The following SDHAF3 variants were observed in gnomAD, a reference collection of about 807,000 sequenced individuals.
SDHAF3 encodes the protein succinate dehydrogenase complex assembly factor 3.
In SDHAF3, 18 loss-of-function variants were observed where a neutral mutation model predicts 11.5. The ratio of observed to expected loss-of-function variants is 1.56; its 90% CI spans 1.08 to 2.32. The LOEUF (loss-of-function observed/expected upper bound fraction) is 2.32. SDHAF3 is among the 30% of genes most tolerant of loss of function. The probability of loss-of-function intolerance (pLI) is 0.00; values close to 1 mark genes in which losing one functional copy is unlikely to be tolerated. For synonymous variants in SDHAF3, 72 were observed against 59.3 expected, an observed-to-expected ratio of 1.21 and a Z score of -0.99; for missense variants, 200 against 154.4, an observed-to-expected ratio of 1.30 and a Z score of -1.57.
At chr7:97,160,851 CTTTTTT>C (rs1419807012) in intron 1 of SDHAF3, among the ~76,000 whole-genome samples, 4 of 151,862 alleles carry the variant, frequency 2.6e-5, no homozygotes, top group Admixed American at 1.3e-4. Flanking sequence ...TTTTCTTTTT[CTTTTTT>C]AAGTAGGAAA....
intron 1 of SDHAF3, among the ~76,000 whole-genome samples, chr7:97,127,017 C>G (rs1028999793): frequency 2.0e-5 from 3 of 152,158 alleles, no homozygotes; most frequent in African/African-American, 7.2e-5. Context: ...AGCACAGTCC[C>G]TCATGGCTTC....
chr7:97,168,011 G>T (rs1310153710), intron 1 of SDHAF3, among the ~76,000 whole-genome samples: 2 of 152,184 alleles, frequency 1.3e-5, no homozygotes, highest in Non-Finnish European at 2.9e-5. Context: ...GGGGGAATGG[G>T]GTAGAGCCAC....
At chr7:97,149,919 A>G (rs1350892127) in intron 1 of SDHAF3, among the ~76,000 whole-genome samples, 15 of 152,200 alleles carry the variant, frequency 9.9e-5, no homozygotes, top group African/African-American at 2.7e-4. Context: ...TATCCCCTCA[A>G]AGTCCTCTTG....
intron 1 of SDHAF3, among the ~76,000 whole-genome samples, chr7:97,137,082 T>C (rs1788932936): frequency 6.6e-6 from 1 of 152,212 alleles, no homozygotes; most frequent in Non-Finnish European, 1.5e-5. Flanking sequence ...CTAGTATTTA[T>C]TATATTCTTT....
intron 1 of SDHAF3, among the ~76,000 whole-genome samples, chr7:97,128,673 AAG>A (rs1045978172): frequency 2.6e-5 from 4 of 151,902 alleles, no homozygotes; most frequent in African/African-American, 7.3e-5. Context: ...GGAAAATAAA[AAG>A]AAATTAAAAT....
At chr7:97,158,649 C>T (rs777348563) in intron 1 of SDHAF3, among the ~76,000 whole-genome samples, 3 of 152,034 alleles carry the variant, frequency 2.0e-5, no homozygotes, top group Non-Finnish European at 4.4e-5. Context: ...ATGAGTAATT[C>T]TTTGAAATGG....
At chr7:97,174,509 A>AT (rs1789651526) in intron 1 of SDHAF3, among the ~76,000 whole-genome samples, 1 of 152,206 alleles carries the variant, frequency 6.6e-6, no homozygotes, top group South Asian at 2.1e-4. Context: ...CCAGGGCCTG[A>AT]TGCAAGATCC....
intron 1 of SDHAF3, among the ~76,000 whole-genome samples, chr7:97,165,675 A>T (rs1789492745): frequency 6.6e-6 from 1 of 152,156 alleles, no homozygotes; most frequent in African/African-American, 2.4e-5. Context: ...TCATCCATTC[A>T]AATTTGTTCA....
intron 1 of SDHAF3, among the ~76,000 whole-genome samples, chr7:97,152,672 T>C (rs974881867): frequency 1.2e-4 from 18 of 152,010 alleles, no homozygotes; most frequent in East Asian, 3.9e-4. Context: ...TATTTTGAGA[T>C]GGAGTCTCGC....
At chr7:97,127,358 C>G (rs1008046810) in intron 1 of SDHAF3, among the ~76,000 whole-genome samples, 1 of 152,154 alleles carries the variant, frequency 6.6e-6, no homozygotes, top group Non-Finnish European at 1.5e-5. Flanking sequence ...ATGTTCAATT[C>G]TTTATACTTG....
intron 1 of SDHAF3, among the ~76,000 whole-genome samples, chr7:97,126,945 A>G (rs1206777974): frequency 1.3e-5 from 2 of 151,950 alleles, no homozygotes; most frequent in African/African-American, 4.8e-5. Context: ...TAGACACACG[A>G]GGGAATCTCC....
rs141255114 is a variant in SDHAF3, at chr7:97,172,918, T to C, written c.175-8094T>C. ...ACTGTAAGCGGTCCCCTTTTGGGGA[T>C]TGGTTTTGTGGAAGACAGTTTTTCT... On this transcript the variant is annotated intron_variant, in intron 1 of 1. Transcript: ENST00000432641. 4.2e-3 allele frequency among the ~76,000 whole-genome samples: 646 copies of C among 152,272 alleles called. 3 individuals are homozygous for C. Among genetic ancestry groups the C allele is most frequent in the Non-Finnish European group, 6.8e-3 (463 of 68,016 alleles).
At chr7:97,176,106 A>G (rs534290609) in intron 1 of SDHAF3, among the ~76,000 whole-genome samples, 9 of 152,284 alleles carry the variant, frequency 5.9e-5, no homozygotes, top group African/African-American at 2.2e-4. Flanking sequence ...GGATAATCTC[A>G]TCTCAGAATC....
intron 1 of SDHAF3, among the ~76,000 whole-genome samples, chr7:97,126,909 G>A (rs985354550): frequency 7.3e-5 from 11 of 151,692 alleles, no homozygotes; most frequent in African/African-American, 2.7e-4. Context: ...CCAGCTTTGA[G>A]CTTGAAACCC....
intron 1 of SDHAF3, among the ~76,000 whole-genome samples, chr7:97,136,104 T>TATTTG (rs1791764465): frequency 6.6e-6 from 1 of 151,454 alleles, no homozygotes; most frequent in African/African-American, 2.4e-5. Context: ...TTTCAGTTAA[T>TATTTG]GTTTCACCTG....
chr7:97,162,350 T>G (rs1789427217), intron 1 of SDHAF3, among the ~76,000 whole-genome samples: 1 of 152,142 alleles, frequency 6.6e-6, no homozygotes, highest in African/African-American at 2.4e-5. Flanking sequence ...TTCATTGATT[T>G]TTTTTGAAGG....
chr7:97,135,527 G>C (rs1324730156), intron 1 of SDHAF3: 3 of 154,604 alleles, frequency 1.9e-5, no homozygotes, highest in African/African-American at 7.3e-5. Context: ...TAGCCCATTG[G>C]TTTCTTGGGG....
intron 1 of SDHAF3, among the ~76,000 whole-genome samples, chr7:97,154,656 T>A (rs1286449247): frequency 6.6e-6 from 1 of 152,146 alleles, no homozygotes; most frequent in Admixed American, 6.5e-5. Flanking sequence ...ATTTTTTCCT[T>A]TTTGGGGTTA....
At chr7:97,156,514 ATCTGTCCATT>A (rs1251034649) in intron 1 of SDHAF3, among the ~76,000 whole-genome samples, 1 of 152,192 alleles carries the variant, frequency 6.6e-6, no homozygotes, top group Non-Finnish European at 1.5e-5. Context: ...TTTTGAAGTT[ATCTGTCCATT>A]TTAGGGGTTA....
Sources: gnomAD v4.1 joint callset for allele counts (sites outside exome capture counted in the v4.1 genomes callset) on GRCh38, gnomAD v4.1.1 for gene constraint, MANE v1.5 for transcripts, NCBI Gene and HGNC (gene_info 2026-07-23, HGNC 2026-07-21) for gene names.